PKHD1L1: variants seen among roughly 807,000 people sequenced by gnomAD.
The protein encoded by PKHD1L1 is PKHD1 like 1.
A neutral mutation model predicts 462.9 loss-of-function variants in PKHD1L1; 434 were observed. That is an observed-to-expected ratio of 0.94 (90% confidence interval 0.87 to 1.02). PKHD1L1 has a LOEUF of 1.02. PKHD1L1 is among the 50% of genes least tolerant of loss of function. The probability of loss-of-function intolerance (pLI) is 0.00; values close to 1 mark genes in which losing one functional copy is unlikely to be tolerated. For synonymous variants in PKHD1L1, 1,781 were observed against 1,750.0 expected, an observed-to-expected ratio of 1.02 and a Z score of -0.44; for missense variants, 5,202 against 5,096.1, an observed-to-expected ratio of 1.02 and a Z score of -0.63.
rs561170385 is a variant in PKHD1L1, at chr8:109,385,124, C to T, written c.476-413C>T. ...AGCATTTAAAAATGGGTGGGAGGCC[C>T]TACTAACCTAACTATATAAATATTA... is the stretch of plus-strand genomic sequence containing the variant. On this transcript the variant is annotated intron_variant, in intron 5 of 77. Transcript: ENST00000378402. Among the ~76,000 whole-genome samples the T allele has an allele frequency of 2.0e-5, 3 of 151,498 alleles. No homozygotes were observed. The South Asian group carries it at 6.2e-4, about 31-fold the overall frequency.
At chr8:109,444,123 C>T (rs868655774) in intron 37 of PKHD1L1, among the ~76,000 whole-genome samples, 1 of 65,936 alleles carries the variant, frequency 1.5e-5, no homozygotes, top group African/African-American at 5.4e-5. Context: ...CCTCCCCCCC[C>T]CAAAAAAAAC....
intron 38 of PKHD1L1, among the ~76,000 whole-genome samples, chr8:109,446,974 A>G (rs1162760645): frequency 6.6e-6 from 1 of 152,218 alleles, no homozygotes; most frequent in Non-Finnish European, 1.5e-5. Context: ...CTGTAATCCT[A>G]GCACTTTGGG....
chr8:109,399,823 A>G (rs1394400036), intron 12 of PKHD1L1, among the ~76,000 whole-genome samples: 1 of 152,150 alleles, frequency 6.6e-6, no homozygotes, highest in Non-Finnish European at 1.5e-5. Context: ...TATAGCACCC[A>G]TGCAAATATT....
In PKHD1L1 at chr8:109,522,884, T is replaced by C; in HGVS notation, c.12324T>C (p.Asp4108=). 6.2e-7 allele frequency: 1 copy of C among 1,601,440 alleles called. No homozygotes were observed. The highest frequency in any genetic ancestry group is 8.5e-7 in the Non-Finnish European group (1 of 1,175,274). ...FPQQPSVKAT[D]SDGNCVSVGI... is the part of the protein sequence containing the mutation. ...AGCAGCCTTCGGTAAAGGCAACAGATTCTGACGTAAGTCATAACTCAAAAT... is the reference window on the plus strand; with the variant it reads ...AGCAGCCTTCGGTAAAGGCAACAGACTCTGACGTAAGTCATAACTCAAAAT... Residue 4108 remains aspartate (D), a synonymous_variant, in exon 75 of 78, where the codon GAT becomes GAC. Coordinates refer to ENST00000378402, the MANE Select transcript of PKHD1L1 (RefSeq NM_177531.6).
chr8:109,438,753 T>A (rs1815591482), intron 31 of PKHD1L1, 144 bp from the exon 32 acceptor site: 2 of 712,382 alleles, frequency 2.8e-6, no homozygotes, highest in Non-Finnish European at 4.4e-6. Flanking sequence ...ACTCTTTCAT[T>A]GTTTTTCCTT....
rs1814786421 is a variant in PKHD1L1 at position 109,426,996 on chromosome 8, G to C, written c.2846-6G>C. ...CCTGCTGTTTGCCACCCCTCTGTGA[G>C]TGCAGGCCTCCCCGCTGCTGTGTCA... On this transcript the variant is annotated splice_polypyrimidine_tract_variant and splice_region_variant and intron_variant, in intron 24 of 77. Transcript: ENST00000378402. 6.9e-7 allele frequency: 1 copy of C among 1,457,388 alleles called. No individual in the cohort carries two copies. Among genetic ancestry groups the C allele is most frequent in the Non-Finnish European group, 9.6e-7 (1 of 1,037,606 alleles). 90.3% of individuals were successfully genotyped at this position (1,457,388 alleles called of 1,614,324 possible).
At chr8:109,439,943 G>A (rs1393188857) in intron 32 of PKHD1L1, among the ~76,000 whole-genome samples, 1 of 152,096 alleles carries the variant, frequency 6.6e-6, no homozygotes, top group Non-Finnish European at 1.5e-5. Flanking sequence ...GTTTCACAGG[G>A]CAGAGCTCAC....
At chr8:109,465,755 C>G (rs1817408072) in intron 49 of PKHD1L1, among the ~76,000 whole-genome samples, 1 of 152,154 alleles carries the variant, frequency 6.6e-6, no homozygotes, top group Admixed American at 6.5e-5. Flanking sequence ...GCTGTGAACC[C>G]TTTTATTCCA....
At chr8:109,365,336 G>A (rs1239104045) in intron 2 of PKHD1L1, among the ~76,000 whole-genome samples, 2 of 152,150 alleles carry the variant, frequency 1.3e-5, no homozygotes, top group Admixed American at 6.5e-5. Flanking sequence ...CTATTATTTG[G>A]TCTTTAAGAA....
Position 109,477,293 on chromosome 8 carries a change from G to T in PKHD1L1, c.8986G>T (p.Val2996Phe). 6.2e-7 allele frequency: 1 copy of T among 1,613,460 alleles called. No homozygotes were observed. Among genetic ancestry groups the T allele is most frequent in the Non-Finnish European group, 8.5e-7 (1 of 1,179,600 alleles). ...GAACCTGGATCCTGATGTGAAAGAC[G>T]TTGTTATTAATTTCCAAGCTTACTG... ...SGNLDPDVKD[V>F]VINFQAYCCI... is the part of the protein sequence containing the mutation. Residue 2996 changes from valine (V) to phenylalanine (F), a missense_variant, in exon 53 of 78, where the codon GTT becomes TTT. By Grantham distance (50) the Val-to-Phe change is conservative. Coordinates refer to ENST00000378402, the MANE Select transcript of PKHD1L1 (RefSeq NM_177531.6).
At chr8:109,446,330 A>G (rs188727158) in intron 38 of PKHD1L1, among the ~76,000 whole-genome samples, 1 of 152,312 alleles carries the variant, frequency 6.6e-6, no homozygotes, top group Admixed American at 6.5e-5. Flanking sequence ...TTGGCTCTCA[A>G]ATGGTTCAAA....
Position 109,489,938 on chromosome 8 carries a change from T to G in PKHD1L1, c.9881-14T>G. 6.6e-7 allele frequency: 1 copy of G among 1,507,226 alleles called. No individual in the cohort carries two copies. The allele number at this position is 1,507,226 out of a possible 1,614,324, so 93.4% of individuals were successfully genotyped here. A position where few individuals can be genotyped will look rare whatever the true frequency, so the allele number is the denominator to read the frequency against. Reference sequence around the variant, plus strand: ...TTTTAAGAAAAACAAATTTTAAATCTTTCCCTACCTTAGGAAATGCAAGAA... The same window carrying G: ...TTTTAAGAAAAACAAATTTTAAATCGTTCCCTACCTTAGGAAATGCAAGAA... On this transcript the variant is annotated splice_polypyrimidine_tract_variant and intron_variant, in intron 59 of 77. Transcript: ENST00000378402.
chr8:109,418,056 C>CA lies in PKHD1L1; in HGVS notation c.2361-1035dup, dbSNP rs1189089922. On this transcript the variant is annotated intron_variant, in intron 21 of 77. Transcript: ENST00000378402. ...TCTAAAAACAGGCTGCCTTTCTCTT[C>CA]AAAAAATGGAATTATTTAATCACAA... 8.5e-5 allele frequency among the ~76,000 whole-genome samples: 13 copies of CA among 152,240 alleles called. No homozygotes were observed. The East Asian group carries it at 1.9e-3, about 23-fold the overall frequency.
intron 25 of PKHD1L1, 102 bp downstream of exon 25, chr8:109,427,258 A>G: frequency 1.1e-6 from 1 of 915,874 alleles, no homozygotes; most frequent in Non-Finnish European, 1.7e-6. Context: ...TTATTATAAA[A>G]ATTCAAACCA....
At chr8:109,506,194 G>A (rs763868354) in intron 68 of PKHD1L1, among the ~76,000 whole-genome samples, 2 of 152,120 alleles carry the variant, frequency 1.3e-5, no homozygotes, top group African/African-American at 2.4e-5. Flanking sequence ...TGCCATCAGT[G>A]CTCTCCCAGA....
rs1199157287 is a variant in PKHD1L1, at chr8:109,487,866, GAC to G, written c.9880+1047_9880+1048del. Among the ~76,000 whole-genome samples the G allele has an allele frequency of 5.1e-4, 63 of 123,252 alleles. 1 individual carries two copies. The South Asian group carries it at 0.018, about 34-fold the overall frequency. 80.9% of individuals were successfully genotyped at this position (123,252 alleles called of 152,430 possible). A position where few individuals can be genotyped will look rare whatever the true frequency, so the allele number is the denominator to read the frequency against. ...CAGCCAAAAGAAAGAAAGAGAGAAA[GAC>G]AGAGAGAAAGAGAGAGAGAGAGAGG... On this transcript the variant is annotated intron_variant, in intron 59 of 77. Coordinates refer to ENST00000378402, the MANE Select transcript of PKHD1L1 (RefSeq NM_177531.6).
rs929024030 is a variant in PKHD1L1, at chr8:109,531,844, C to T, written c.*1754C>T. ...GTTCCAACCCTGGTGGGGTGAAAAACCTCTGTTCCTGGGATAGGGAGGGGG... is the reference window on the plus strand; with the variant it reads ...GTTCCAACCCTGGTGGGGTGAAAAATCTCTGTTCCTGGGATAGGGAGGGGG... On this transcript the variant is annotated 3_prime_UTR_variant, in exon 78 of 78. Coordinates refer to ENST00000378402, the MANE Select transcript of PKHD1L1 (RefSeq NM_177531.6). Among the ~76,000 whole-genome samples, 1 of 151,980 alleles carries T rather than the reference C, an allele frequency of 6.6e-6. No homozygotes were observed. The highest frequency in any genetic ancestry group is 1.5e-5 in the Non-Finnish European group (1 of 67,986).
chr8:109,402,250 T>C (rs1396107217), intron 14 of PKHD1L1, among the ~76,000 whole-genome samples: 3 of 152,192 alleles, frequency 2.0e-5, no homozygotes, highest in African/African-American at 7.2e-5. Context: ...AAGATGCATT[T>C]GCATCTGCTA....
rs778333612 is a variant in PKHD1L1 at position 109,507,777 on chromosome 8, A to G, written c.11109A>G (p.Ala3703=). ...LGNAGSVIPQ[A]EYEWDGNSQV... is the part of the protein sequence containing the mutation. ...ATGCTGGTTCTGTGATACCTCAAGC[A>G]GAATATGAATGGGACGGAAACAGCC... The change falls in exon 69 of 78, where the codon GCA becomes GCG. Residue 3703 remains alanine (A), a synonymous_variant. Coordinates refer to ENST00000378402, the MANE Select transcript of PKHD1L1 (RefSeq NM_177531.6). 2.5e-6 allele frequency: 4 copies of G among 1,613,532 alleles called. No individual in the cohort carries two copies. The highest frequency in any genetic ancestry group is 3.4e-6 in the Non-Finnish European group (4 of 1,179,666).
Sources: gnomAD v4.1 joint callset for allele counts (sites outside exome capture counted in the v4.1 genomes callset) on GRCh38, gnomAD v4.1.1 for gene constraint, MANE v1.5 for transcripts, NCBI Gene and HGNC (gene_info 2026-07-23, HGNC 2026-07-21) for gene names.